COMMD6: variants seen among roughly 807,000 people sequenced by gnomAD.
The protein encoded by COMMD6 is COMM domain-containing protein 6.
A neutral mutation model predicts 13.4 loss-of-function variants in COMMD6; 11 were observed. That is an observed-to-expected ratio of 0.82 (90% CI 0.52 to 1.36). COMMD6 has a LOEUF of 1.36. COMMD6 is among the 40% of genes most tolerant of loss of function. COMMD6 has a pLI of 0.00. For missense variants in COMMD6, 124 were observed against 102.4 expected, an observed-to-expected ratio of 1.21 and a Z score of -0.91; for synonymous variants, 43 against 36.5, an observed-to-expected ratio of 1.18 and a Z score of -0.64.
At chr13:75,538,006 T>C (rs2138425794), upstream of COMMD6, 1 of 476,590 alleles carries the variant, frequency 2.1e-6, no homozygotes, top group Non-Finnish European at 3.6e-6. Flanking sequence ...AAAATTATTT[T>C]ATGGAAAAAG....
chr13:75,533,100 T>A (rs368954151), intron 2 of COMMD6, among the ~76,000 whole-genome samples: 1 of 151,978 alleles, frequency 6.6e-6, no homozygotes, highest in East Asian at 2.0e-4. Flanking sequence ...CGGGCTAATT[T>A]TTTTGTATTT....
intron 2 of COMMD6, among the ~76,000 whole-genome samples, chr13:75,535,297 A>G (rs994188097): frequency 3.9e-5 from 6 of 152,224 alleles, no homozygotes; most frequent in Non-Finnish European, 8.8e-5. Flanking sequence ...GGCCACAGTA[A>G]ATACCTACGA....
chr13:75,542,957 G>A (rs2138429776), upstream of COMMD6, among the ~76,000 whole-genome samples: 1 of 152,312 alleles, frequency 6.6e-6, no homozygotes, highest in South Asian at 2.1e-4. Flanking sequence ...TGGTGTACCT[G>A]GATAAAGAAA....
At chr13:75,537,867 TTCCACG>T (rs2030740503), upstream of COMMD6, 2 of 1,513,404 alleles carry the variant, frequency 1.3e-6, no homozygotes, top group Non-Finnish European at 1.8e-6. Context: ...GCGCTTCCGC[TTCCACG>T]TCCTGCCCCT....
At position 75,525,557 on chromosome 13, in the gene COMMD6, T is replaced by G. The variant is rs2030213561; in HGVS notation, c.*1032A>C. On this transcript the variant is annotated 3_prime_UTR_variant, in exon 4 of 4. Transcript: ENST00000682242. ...ATCCAGAGGGTGGGTAATAGAAATG[T>G]CTGTGGGTAGTTGGTATGCACAAAT... 6.6e-6 allele frequency: 1 copy of G among 152,256 alleles called. No homozygotes were observed. Among genetic ancestry groups the G allele is most frequent in the Non-Finnish European group, 1.5e-5 (1 of 68,060 alleles). 9.4% of individuals were successfully genotyped at this position (152,256 alleles called of 1,614,324 possible).
upstream of COMMD6, among the ~76,000 whole-genome samples, chr13:75,539,969 C>CTTT (rs34796430): frequency 9.7e-5 from 11 of 113,778 alleles, no homozygotes; most frequent in African/African-American, 2.2e-4. Flanking sequence ...GCAAGGAAAT[C>CTTT]TTTTTTTTTT....
upstream of COMMD6, among the ~76,000 whole-genome samples, chr13:75,542,551 A>G (rs1271989342): frequency 2.0e-5 from 3 of 152,096 alleles, no homozygotes; most frequent in African/African-American, 7.2e-5. Context: ...AGCCTCCCAA[A>G]GTACTGGGAT....
intron 2 of COMMD6, 143 bp downstream of exon 2, chr13:75,537,521 G>C (rs41286112): frequency 1.3e-6 from 2 of 1,574,164 alleles, no homozygotes; most frequent in African/African-American, 1.3e-5. Flanking sequence ...AAAAGAGAAG[G>C]AGCAATGCAA....
intron 2 of COMMD6, chr13:75,530,530 A>C: frequency 1.2e-5 from 3 of 251,750 alleles, no homozygotes; most frequent in East Asian, 8.0e-5. Context: ...CTCCCCTCCA[A>C]TGTATAACGG....
In COMMD6 at chr13:75,537,705, G is replaced by C. The variant is rs753752100; in HGVS notation, c.43-30C>G. The C allele has an allele frequency of 5.6e-6, 9 of 1,613,970 alleles. No homozygotes were observed. The Admixed American group carries it at 1.5e-4, about 27-fold the overall frequency. Reference sequence around the variant, plus strand: ...AACGGAAGCAGAAACACAATTTAGAGAAACATCTTTCTTGCTCCAGAGCCT... The same window carrying C: ...AACGGAAGCAGAAACACAATTTAGACAAACATCTTTCTTGCTCCAGAGCCT... On this transcript the variant is annotated intron_variant, in intron 1 of 3. Coordinates refer to ENST00000682242, the MANE Select transcript of COMMD6 (RefSeq NM_203495.4).
At chr13:75,528,933 T>C (rs1482701066) in intron 3 of COMMD6, among the ~76,000 whole-genome samples, 1 of 151,916 alleles carries the variant, frequency 6.6e-6, no homozygotes, top group Non-Finnish European at 1.5e-5. Context: ...ATCAAAAGTA[T>C]CATAAAGTGG....
intron 2 of COMMD6, among the ~76,000 whole-genome samples, chr13:75,532,275 T>C (rs908340397): frequency 6.6e-6 from 1 of 152,208 alleles, no homozygotes; most frequent in Non-Finnish European, 1.5e-5. Flanking sequence ...TTTTTGCATA[T>C]ATAGTCCAGA....
upstream of COMMD6, chr13:75,537,975 T>C: frequency 1.9e-6 from 1 of 539,308 alleles, no homozygotes; most frequent in Non-Finnish European, 3.2e-6. Flanking sequence ...ACATATATCT[T>C]AGGAGACATT....
intron 2 of COMMD6, among the ~76,000 whole-genome samples, chr13:75,537,083 C>A (rs1485473403): frequency 6.6e-6 from 1 of 152,152 alleles, no homozygotes; most frequent in Non-Finnish European, 1.5e-5. Context: ...TTTGTATGGA[C>A]TTGGGTAACT....
At chr13:75,548,825 C>T (rs2030965076) in intron 1 of COMMD6, among the ~76,000 whole-genome samples, 4 of 152,192 alleles carry the variant, frequency 2.6e-5, no homozygotes, top group Admixed American at 2.6e-4. Flanking sequence ...CATGACAAAT[C>T]CTGCTTAAGA....
At chr13:75,532,647 C>T (rs1566197976) in intron 2 of COMMD6, among the ~76,000 whole-genome samples, 2 of 152,134 alleles carry the variant, frequency 1.3e-5, no homozygotes, top group Admixed American at 1.3e-4. Context: ...CTGGCTAACA[C>T]AGTGAAACCC....
rs1464433765 is a variant in COMMD6, at chr13:75,525,552, A to T, written c.*1037T>A. The stretch of plus-strand genomic sequence containing the variant: ...CTGGCATCCAGAGGGTGGGTAATAG[A>T]AATGTCTGTGGGTAGTTGGTATGCA... On this transcript the variant is annotated 3_prime_UTR_variant, in exon 4 of 4. Coordinates refer to ENST00000682242, the MANE Select transcript of COMMD6 (RefSeq NM_203495.4). 6.6e-6 allele frequency: 1 copy of T among 152,256 alleles called. No homozygotes were observed. The highest frequency in any genetic ancestry group is 1.5e-5 in the Non-Finnish European group (1 of 68,066). 9.4% of individuals were successfully genotyped at this position (152,256 alleles called of 1,614,324 possible). A position where few individuals can be genotyped will look rare whatever the true frequency, so the allele number is the denominator to read the frequency against.
intron 1 of COMMD6, among the ~76,000 whole-genome samples, chr13:75,545,331 G>A (rs1027868142): frequency 3.3e-5 from 5 of 152,158 alleles, no homozygotes; most frequent in African/African-American, 1.2e-4. Flanking sequence ...AGATTCCCTG[G>A]GCTGGTTACA....
Position 75,534,859 on chromosome 13 carries a change from C to T in COMMD6, c.54+2805G>A, listed in dbSNP as rs183033551. ...GTCTATATAGATAAAACTGGTAATT[C>T]CTATGTGTTTTGAGTAAGAGAGGGA... On this transcript the variant is annotated intron_variant, in intron 2 of 3. Coordinates refer to ENST00000682242, the MANE Select transcript of COMMD6 (RefSeq NM_203495.4). 1.0e-3 allele frequency among the ~76,000 whole-genome samples: 157 copies of T among 152,028 alleles called. 1 individual carries two copies. The highest frequency in any genetic ancestry group is 3.6e-3 in the African/African-American group (148 of 41,448).
Sources: gnomAD v4.1 joint callset for allele counts (sites outside exome capture counted in the v4.1 genomes callset) on GRCh38, gnomAD v4.1.1 for gene constraint, MANE v1.5 for transcripts, NCBI Gene and HGNC (gene_info 2026-07-23, HGNC 2026-07-21) for gene names.